NTNG1: variants seen among roughly 807,000 people sequenced by gnomAD.
NTNG1 encodes the protein netrin G1.
In NTNG1, 16 loss-of-function variants were observed where a neutral mutation model predicts 54.0. The ratio of observed to expected loss-of-function variants is 0.30; its 90% CI spans 0.20 to 0.45. The LOEUF (loss-of-function observed/expected upper bound fraction) is 0.45. Among genes scored for constraint, NTNG1 ranks in the 20% least tolerant of loss-of-function variants. NTNG1 has a pLI of 1.00. For missense variants in NTNG1, 530 were observed against 678.7 expected (o/e 0.78, Z 2.43); for synonymous variants, 255 against 263.1 (o/e 0.97, Z 0.30).
intron 5 of NTNG1, among the ~76,000 whole-genome samples, chr1:107,425,386 G>A (rs180900028): frequency 1.3e-4 from 20 of 151,856 alleles, no homozygotes; most frequent in African/African-American, 3.6e-4. Flanking sequence ...CTTTATGTCC[G>A]TATGTACCCT....
intron 2 of NTNG1, among the ~76,000 whole-genome samples, chr1:107,197,591 ACAGAT>A (rs1252567010): frequency 1.3e-5 from 2 of 151,984 alleles, no homozygotes; most frequent in African/African-American, 4.8e-5. Context: ...AGAGAGTTCA[ACAGAT>A]TTGTGCAGGA....
intron 2 of NTNG1, among the ~76,000 whole-genome samples, chr1:107,231,243 A>G (rs1661045555): frequency 6.6e-6 from 1 of 152,136 alleles, no homozygotes; most frequent in Admixed American, 6.6e-5. Flanking sequence ...AATAAGCTCA[A>G]TTGCTGGCAT....
intron 4 of NTNG1, among the ~76,000 whole-genome samples, chr1:107,402,472 AT>A (rs1309417090): frequency 1.3e-5 from 2 of 152,152 alleles, no homozygotes; most frequent in African/African-American, 4.8e-5. Context: ...CTCTTCAGAT[AT>A]GCTAACATGG....
At chr1:107,317,641 T>G (rs1348353983) in intron 2 of NTNG1, among the ~76,000 whole-genome samples, 2 of 152,196 alleles carry the variant, frequency 1.3e-5, no homozygotes, top group African/African-American at 4.8e-5. Context: ...ACCATAATCC[T>G]CTGTGGGGAT....
chr1:107,186,871 T>C (rs910209323), intron 2 of NTNG1, among the ~76,000 whole-genome samples: 1 of 152,202 alleles, frequency 6.6e-6, no homozygotes, highest in Admixed American at 6.5e-5. Flanking sequence ...ACCTGGATTA[T>C]CTCTTGCGAT....
chr1:107,208,441 A>AG (rs1553201433), intron 2 of NTNG1, among the ~76,000 whole-genome samples: 5 of 149,758 alleles, frequency 3.3e-5, no homozygotes, highest in South Asian at 2.1e-4. Context: ...AAAAAAAAAA[A>AG]AAAGAAAGAA....
At chr1:107,359,337 A>G (rs1380940760) in intron 3 of NTNG1, among the ~76,000 whole-genome samples, 1 of 152,220 alleles carries the variant, frequency 6.6e-6, no homozygotes, top group Non-Finnish European at 1.5e-5. Context: ...GAGAAATATA[A>G]ATAGGAGATG....
chr1:107,453,603 G>C (rs1280578593), intron 7 of NTNG1, among the ~76,000 whole-genome samples: 2 of 152,162 alleles, frequency 1.3e-5, no homozygotes, highest in Non-Finnish European at 2.9e-5. Flanking sequence ...ATGTACTTAA[G>C]ATTTTCCTGC....
chr1:107,407,444 G>A (rs1205963127), intron 4 of NTNG1, among the ~76,000 whole-genome samples: 1 of 151,990 alleles, frequency 6.6e-6, no homozygotes, highest in Non-Finnish European at 1.5e-5. Context: ...CAACTCTGAT[G>A]AGCCCAGGAG....
intron 2 of NTNG1, among the ~76,000 whole-genome samples, chr1:107,208,052 G>A (rs1386621436): frequency 6.6e-6 from 1 of 152,198 alleles, no homozygotes; most frequent in Non-Finnish European, 1.5e-5. Context: ...TGGAAACAGA[G>A]CTGATGCTGA....
chr1:107,251,387 C>A (rs59283213), intron 2 of NTNG1, among the ~76,000 whole-genome samples: 4,679 of 152,280 alleles, frequency 0.031, 221 homozygotes, highest in African/African-American at 0.11. Flanking sequence ...TCCAGCCAAA[C>A]CATTCCCCTT....
chr1:107,336,525 A>G (rs1668588789), intron 3 of NTNG1, among the ~76,000 whole-genome samples: 5 of 151,482 alleles, frequency 3.3e-5, no homozygotes, highest in South Asian at 4.2e-4. Flanking sequence ...AAATGTTTAG[A>G]AAAAAACAAA....
At chr1:107,349,126 G>A (rs1669439245) in intron 3 of NTNG1, among the ~76,000 whole-genome samples, 1 of 152,054 alleles carries the variant, frequency 6.6e-6, no homozygotes, top group Non-Finnish European at 1.5e-5. Flanking sequence ...GCTTGTTCCT[G>A]CTTCAGGACC....
In NTNG1 at chr1:107,252,412, C is replaced by T. The variant is rs116013978; in HGVS notation, c.247-71870C>T. Among the ~76,000 whole-genome samples, 1,051 of 152,306 alleles carry T rather than the reference C, an allele frequency of 6.9e-3. 11 individuals are homozygous for T. The highest frequency in any genetic ancestry group is 0.023 in the African/African-American group (970 of 41,572). ...CCAGTGCATGCAAGCTTAATGTTTA[C>T]TGAATGGCTCCAACAGGTAATCATG... is the stretch of plus-strand genomic sequence containing the variant. On this transcript the variant is annotated intron_variant, in intron 2 of 7. Coordinates refer to ENST00000370068, the MANE Select transcript of NTNG1 (RefSeq NM_001113226.3).
intron 2 of NTNG1, among the ~76,000 whole-genome samples, chr1:107,153,668 C>T (rs56730407): frequency 0.016 from 2,492 of 152,248 alleles, 74 homozygotes; most frequent in African/African-American, 0.056. Context: ...TTTGAGGAGC[C>T]TACAATAGCT....
chr1:107,379,255 A>T (rs575194238), intron 3 of NTNG1, among the ~76,000 whole-genome samples: 2 of 152,190 alleles, frequency 1.3e-5, no homozygotes, highest in Admixed American at 6.5e-5. Flanking sequence ...TGTCAGCATC[A>T]TGTGGTTTTT....
At chr1:107,427,596 AG>A (rs1276851593) in intron 5 of NTNG1, among the ~76,000 whole-genome samples, 2 of 152,112 alleles carry the variant, frequency 1.3e-5, no homozygotes, top group Non-Finnish European at 2.9e-5. Context: ...TCACTTTCAA[AG>A]ATCTGTTTCT....
chr1:107,392,081 G>A (rs1020814097), intron 3 of NTNG1, among the ~76,000 whole-genome samples: 10 of 152,040 alleles, frequency 6.6e-5, no homozygotes, highest in Non-Finnish European at 1.2e-4. Context: ...GTTTAGTTTG[G>A]GGACATATTG....
intron 1 of NTNG1, among the ~76,000 whole-genome samples, chr1:107,141,837 TGTC>T (rs908182525): frequency 6.6e-6 from 1 of 152,212 alleles, no homozygotes; most frequent in Admixed American, 6.5e-5. Context: ...TCAGGCGGCT[TGTC>T]GTTATTTTTT....
Sources: allele counts gnomAD v4.1 joint callset (sites outside exome capture counted in the v4.1 genomes callset), GRCh38; gene constraint gnomAD v4.1.1; transcripts MANE v1.5; gene names NCBI Gene and HGNC (gene_info 2026-07-23, HGNC 2026-07-21).